NOL4L: variants seen among roughly 807,000 people sequenced by gnomAD.
The protein encoded by NOL4L is nucleolar protein 4-like.
NOL4L carries 7 observed loss-of-function variants against 64.5 expected under a neutral mutation model. The observed-to-expected ratio is 0.11, with a 90% CI of 0.06 to 0.20. The LOEUF (loss-of-function observed/expected upper bound fraction) is 0.20. Among genes scored for constraint, NOL4L ranks in the 10% least tolerant of loss-of-function variants. The probability of loss-of-function intolerance (pLI) is 1.00; values close to 1 mark genes in which losing one functional copy is unlikely to be tolerated. For missense variants in NOL4L, 680 were observed against 967.1 expected (o/e 0.70, Z 3.94); for synonymous variants, 413 against 401.0 (o/e 1.03, Z -0.36).
chr20:32,536,371 C>T (rs2018523428), intron 1 of NOL4L: 1 of 950,066 alleles, frequency 1.1e-6, no homozygotes, highest in Middle Eastern at 5.4e-4. Context: ...CACCCAGGGC[C>T]GGGGGAAGAG....
At chr20:32,490,144 A>AAAACAAAC (rs543768294) in intron 4 of NOL4L, among the ~76,000 whole-genome samples, 2 of 122,208 alleles carry the variant, frequency 1.6e-5, no homozygotes, top group African/African-American at 6.4e-5. Flanking sequence ...AAAAAAAAAA[A>AAAACAAAC]ATATATATAC....
chr20:32,547,917 G>A (rs2018752822), intron 1 of NOL4L, among the ~76,000 whole-genome samples: 1 of 152,022 alleles, frequency 6.6e-6, no homozygotes. Context: ...TGTCCCCTCT[G>A]CCCACAACTG....
intron 1 of NOL4L, among the ~76,000 whole-genome samples, chr20:32,578,410 G>C (rs1299055370): frequency 6.6e-6 from 1 of 152,074 alleles, no homozygotes; most frequent in Non-Finnish European, 1.5e-5. Context: ...TTTTGAGACA[G>C]AGTCTCCCTC....
chr20:32,490,691 C>G (rs868487697), intron 4 of NOL4L, among the ~76,000 whole-genome samples: 2 of 152,146 alleles, frequency 1.3e-5, no homozygotes, highest in Admixed American at 6.6e-5. Flanking sequence ...ACTAACTGAG[C>G]CTGACTTGTT....
intron 1 of NOL4L, among the ~76,000 whole-genome samples, chr20:32,539,471 C>G (rs1416589815): frequency 6.6e-6 from 1 of 152,158 alleles, no homozygotes; most frequent in Non-Finnish European, 1.5e-5. Flanking sequence ...GAAATGGGTT[C>G]AGGATCTCAA....
intron 1 of NOL4L, among the ~76,000 whole-genome samples, chr20:32,563,719 C>A (rs1979240327): frequency 6.6e-6 from 1 of 152,130 alleles, no homozygotes; most frequent in African/African-American, 2.4e-5. Context: ...AACTGTTGCC[C>A]AGAGAGGCCA....
At chr20:32,584,506 C>T (rs1980766184) in intron 1 of NOL4L, 64 bp downstream of exon 1, 1 of 961,068 alleles carries the variant, frequency 1.0e-6, no homozygotes, top group Non-Finnish European at 1.4e-6. Context: ...CCCCACCCCG[C>T]CCCCGCCCGC....
intron 5 of NOL4L, among the ~76,000 whole-genome samples, chr20:32,468,269 C>T (rs2014718761): frequency 6.6e-6 from 1 of 152,182 alleles, no homozygotes. Context: ...CAGACCCTCC[C>T]CAGATGGCCT....
chr20:32,489,918 C>T (rs2016386857), intron 4 of NOL4L, among the ~76,000 whole-genome samples: 1 of 152,072 alleles, frequency 6.6e-6, no homozygotes, highest in Non-Finnish European at 1.5e-5. Context: ...CACTTCAGGT[C>T]ATGAGTTTGA....
At chr20:32,507,153 C>G (rs947932073) in intron 4 of NOL4L, among the ~76,000 whole-genome samples, 1 of 152,222 alleles carries the variant, frequency 6.6e-6, no homozygotes, top group Non-Finnish European at 1.5e-5. Context: ...CCTTCCCTGC[C>G]CCTTCCAAGA....
chr20:32,498,865 A>T (rs569990262), intron 4 of NOL4L, among the ~76,000 whole-genome samples: 5 of 151,602 alleles, frequency 3.3e-5, no homozygotes, highest in East Asian at 1.9e-4. Flanking sequence ...GTTTCTACTT[A>T]AAAAATTTTT....
rs186271969 is a variant in NOL4L, at chr20:32,453,297, G to A, written c.1497+7C>T. 7.4e-6 allele frequency: 12 copies of A among 1,611,758 alleles called. No individual in the cohort carries two copies. Among genetic ancestry groups the A allele is most frequent in the Middle Eastern group, 1.7e-4 (1 of 6,050 alleles). On this transcript the variant is annotated splice_region_variant and intron_variant, in intron 8 of 10. Coordinates refer to ENST00000621426, the MANE Select transcript of NOL4L (RefSeq NM_001256798.2). This position sits in a 1 kb window ranked among gnomAD's most constrained non-coding sequence, Gnocchi z 5.6. ...GGGAAAGTGTGGGCCAGGCAGGGGG[G>A]ACTCACCATCTCCATGCCGTTCTTC... is the stretch of plus-strand genomic sequence containing the variant.
chr20:32,520,533 G>A (rs1285665602), intron 3 of NOL4L, among the ~76,000 whole-genome samples: 1 of 152,226 alleles, frequency 6.6e-6, no homozygotes, highest in Non-Finnish European at 1.5e-5. Flanking sequence ...ATCCGGCTGG[G>A]AGGAAAGGGG....
At chr20:32,504,461 G>A (rs1400972081) in intron 4 of NOL4L, among the ~76,000 whole-genome samples, 1 of 151,772 alleles carries the variant, frequency 6.6e-6, no homozygotes, top group Non-Finnish European at 1.5e-5. Context: ...TCGGGAGGCT[G>A]AGGCAGGAGA....
chr20:32,514,580 A>G (rs2017567295), intron 3 of NOL4L, among the ~76,000 whole-genome samples: 1 of 151,470 alleles, frequency 6.6e-6, no homozygotes, highest in Non-Finnish European at 1.5e-5. Context: ...TTTTTAAGAG[A>G]GACTTCTGCT....
At chr20:32,475,503 G>T (rs1029093001) in intron 4 of NOL4L, among the ~76,000 whole-genome samples, 1 of 152,216 alleles carries the variant, frequency 6.6e-6, no homozygotes, top group Non-Finnish European at 1.5e-5. Context: ...CCTCGCTGCC[G>T]GCTTCGGGCC....
In NOL4L at chr20:32,463,025, G is replaced by A. The variant is rs1250866849; in HGVS notation, c.842-6630C>T. Among the ~76,000 whole-genome samples, 1 of 152,100 alleles carries A rather than the reference G, an allele frequency of 6.6e-6. No individual in the cohort carries two copies. ...GCTGGTGTAGGGTCCTGCAGTCTGG[G>A]CGACCTTGGGCACTGCCACCTCCTG... On this transcript the variant is annotated intron_variant, in intron 5 of 10. Transcript: ENST00000621426. The surrounding 1 kb of genome is among the most constrained non-coding windows in gnomAD (Gnocchi z 5.8).
At position 32,492,320 on chromosome 20, in the gene NOL4L, C is replaced by T. The variant is rs116327659; in HGVS notation, c.700-17578G>A. On this transcript the variant is annotated intron_variant, in intron 4 of 10. Coordinates refer to ENST00000621426, the MANE Select transcript of NOL4L (RefSeq NM_001256798.2). ...TCACACACTTATGCTTGTGAGCAAACGAGCACATGCTGTACAATTCCATTT... is the reference window on the plus strand; with the variant it reads ...TCACACACTTATGCTTGTGAGCAAATGAGCACATGCTGTACAATTCCATTT... Among the ~76,000 whole-genome samples the T allele has an allele frequency of 1.9e-3, 290 of 152,314 alleles. 4 individuals are homozygous for T. In the South Asian group the frequency reaches 0.038, roughly 20 times the overall value.
At chr20:32,454,420 C>T (rs1006410588) in intron 6 of NOL4L, among the ~76,000 whole-genome samples, 8 of 150,786 alleles carry the variant, frequency 5.3e-5, no homozygotes, top group Admixed American at 1.3e-4. Context: ...GGAGAGGGAA[C>T]CGGATCCGGC....
Sources: gnomAD v4.1 joint callset for allele counts (sites outside exome capture counted in the v4.1 genomes callset) on GRCh38, gnomAD v4.1.1 for gene constraint, Gnocchi (gnomAD v3.1) non-coding constraint, MANE v1.5 for transcripts, NCBI Gene and HGNC (gene_info 2026-07-23, HGNC 2026-07-21) for gene names.